The following MPHOSPH8 variants were observed in gnomAD, a reference collection of about 807,000 sequenced individuals.
MPHOSPH8 encodes the protein M-phase phosphoprotein, mpp.
MPHOSPH8 carries 45 observed loss-of-function variants against 87.3 expected under a neutral mutation model. That is an observed-to-expected ratio of 0.52 (90% CI 0.41 to 0.66). The LOEUF is 0.66. Ranked by LOEUF, MPHOSPH8 falls within the 30% of genes least tolerant of loss-of-function variation. MPHOSPH8 has a pLI of 0.00. For synonymous variants in MPHOSPH8, 366 were observed against 376.9 expected, an observed-to-expected ratio of 0.97 and a Z score of 0.33; for missense variants, 883 against 1,020.2, an observed-to-expected ratio of 0.87 and a Z score of 1.83.
chr13:19,673,286 T>C lies in MPHOSPH8; in HGVS notation c.*1411T>C. ...TCTGGGTTATGGAGAAGTTGAAAAT[T>C]GTTTTGTTCCTCATTAGTTTATAAT... On this transcript the variant is annotated 3_prime_UTR_variant, in exon 14 of 14. Transcript: ENST00000361479. 1 of 367,972 alleles carries C rather than the reference T, an allele frequency of 2.7e-6. No homozygotes were observed. 22.8% of individuals were successfully genotyped at this position (367,972 alleles called of 1,614,324 possible).
intron 2 of MPHOSPH8, among the ~76,000 whole-genome samples, chr13:19,645,903 A>G (rs1412584447): frequency 6.6e-6 from 1 of 152,112 alleles, no homozygotes; most frequent in Non-Finnish European, 1.5e-5. Context: ...TTCAATTTTA[A>G]AATAGGAAAA....
At chr13:19,671,466 A>AATGCAGC (rs1876122232) in intron 13 of MPHOSPH8, among the ~76,000 whole-genome samples, 177 bp downstream of exon 13, 1 of 152,172 alleles carries the variant, frequency 6.6e-6, no homozygotes, top group African/African-American at 2.4e-5. Flanking sequence ...TAGACATAAT[A>AATGCAGC]ATGCGGCAGG....
chr13:19,664,520 A>G (rs1478427532), intron 9 of MPHOSPH8, among the ~76,000 whole-genome samples: 1 of 152,188 alleles, frequency 6.6e-6, no homozygotes, highest in East Asian at 1.9e-4. Flanking sequence ...GAGGGTTTTC[A>G]TTTGTGTATT....
chr13:19,655,086 G>A (rs767582161), intron 5 of MPHOSPH8, among the ~76,000 whole-genome samples: 1 of 152,086 alleles, frequency 6.6e-6, no homozygotes, highest in African/African-American at 2.4e-5. Context: ...CCTACAAATT[G>A]TAAAGGAGAA....
At position 19,646,446 on chromosome 13, in the gene MPHOSPH8, C is replaced by G. The variant is rs1192283066; in HGVS notation, c.373C>G (p.Leu125Val). 6.7e-7 allele frequency: 1 copy of G among 1,481,982 alleles called. No homozygotes were observed. The highest frequency in any genetic ancestry group is 8.9e-7 in the Non-Finnish European group (1 of 1,121,516). The allele number at this position is 1,481,982 out of a possible 1,614,324, so 91.8% of individuals were successfully genotyped here. The change falls in exon 3 of 14, where the codon CTA becomes GTA. Residue 125 changes from leucine to valine, a missense_variant. Physicochemically the swap from Leu to Val is conservative, Grantham distance 32. Coordinates refer to ENST00000361479, the MANE Select transcript of MPHOSPH8 (RefSeq NM_017520.4). Reference protein sequence around the residue: ...AKAVRKDIQRLSLNNDIFEAN... With the variant: ...AKAVRKDIQRVSLNNDIFEAN... ...TAATCTGTTTTGTATTTTATAGAGA[C>G]TATCCTTAAATAACGACATATTTGA...
intron 5 of MPHOSPH8, among the ~76,000 whole-genome samples, chr13:19,653,960 T>A (rs1459717884): frequency 6.6e-6 from 1 of 152,156 alleles, no homozygotes; most frequent in East Asian, 1.9e-4. Flanking sequence ...ACGAGGAGGA[T>A]GGAACCAAGT....
intron 11 of MPHOSPH8, among the ~76,000 whole-genome samples, chr13:19,669,096 T>G (rs1463169481): frequency 6.6e-6 from 1 of 152,212 alleles, no homozygotes; most frequent in East Asian, 1.9e-4. Context: ...ATGGTTTGTA[T>G]TCATTCCTGG....
At chr13:19,661,945 CT>C (rs397761364) in intron 8 of MPHOSPH8, 107 bp downstream of exon 8, 226,738 of 999,706 alleles carry the variant, frequency 0.23, 26 homozygotes, top group South Asian at 0.26. Flanking sequence ...GGTCACATCG[CT>C]TTTTTTTTTT....
chr13:19,670,958 TAAA>T, intron 12 of MPHOSPH8: 1 of 1,040,688 alleles, frequency 9.6e-7, no homozygotes, highest in Non-Finnish European at 1.3e-6. Flanking sequence ...TACCTGGGAC[TAAA>T]AATGCACGCC....
At chr13:19,670,993 G>A (rs530678288) in intron 12 of MPHOSPH8, 1 of 1,201,814 alleles carries the variant, frequency 8.3e-7, no homozygotes, top group Non-Finnish European at 1.1e-6. Flanking sequence ...CTAATTTTTT[G>A]TATTTTTTGT....
Position 19,673,223 on chromosome 13 carries a change from G to A in MPHOSPH8, c.*1348G>A. ...GGAGCCACCACCCTCTCTGGGAAGA[G>A]TTCCTGCTTCTGTATGGCAAGCATA... On this transcript the variant is annotated 3_prime_UTR_variant, in exon 14 of 14. Coordinates refer to ENST00000361479, the MANE Select transcript of MPHOSPH8 (RefSeq NM_017520.4). The A allele has an allele frequency of 2.4e-6, 1 of 425,426 alleles. No individual in the cohort carries two copies. The highest frequency in any genetic ancestry group is 4.6e-6 in the Non-Finnish European group (1 of 218,468). 26.4% of individuals were successfully genotyped at this position (425,426 alleles called of 1,614,324 possible).
chr13:19,647,099 A>G lies in MPHOSPH8; in HGVS notation c.1026A>G (p.Arg342=), dbSNP rs1005266839. The change falls in exon 3 of 14, where the codon AGA becomes AGG. Residue 342 remains arginine, a synonymous_variant. Transcript: ENST00000361479. ...KKTPRKAEDT[R]ENRKLENKNA... Reference sequence around the variant, plus strand: ...CCCCGAGAAAGGCTGAGGACACTAGAGAGAACAGGAAGCTAGAGAACAAGA... The same window carrying G: ...CCCCGAGAAAGGCTGAGGACACTAGGGAGAACAGGAAGCTAGAGAACAAGA... The G allele has an allele frequency of 6.2e-7, 1 of 1,613,042 alleles. No individual in the cohort carries two copies. Among genetic ancestry groups the G allele is most frequent in the African/African-American group, 1.3e-5 (1 of 74,700 alleles).
intron 1 of MPHOSPH8, among the ~76,000 whole-genome samples, chr13:19,638,098 C>G (rs974446943): frequency 1.4e-5 from 2 of 140,948 alleles, no homozygotes; most frequent in Non-Finnish European, 3.1e-5. Flanking sequence ...GAGACTCCAT[C>G]TCAAAAAAAA....
At chr13:19,636,344 C>T (rs972372468) in intron 1 of MPHOSPH8, among the ~76,000 whole-genome samples, 4 of 152,122 alleles carry the variant, frequency 2.6e-5, no homozygotes, top group Non-Finnish European at 5.9e-5. Context: ...AATAATATTT[C>T]TTGATTCTAA....
intron 11 of MPHOSPH8, among the ~76,000 whole-genome samples, chr13:19,669,719 A>G (rs1876016296): frequency 6.6e-6 from 1 of 151,768 alleles, no homozygotes; most frequent in Admixed American, 6.6e-5. Context: ...CATATTGGCC[A>G]GGCTGATCTT....
intron 8 of MPHOSPH8, 124 bp downstream of exon 8, chr13:19,661,962 G>A (rs1875558542): frequency 5.7e-6 from 6 of 1,050,978 alleles, no homozygotes; most frequent in Non-Finnish European, 7.7e-6. Flanking sequence ...TTTTTTTTTA[G>A]ACGGAGTCTC....
At chr13:19,668,272 C>A in intron 10 of MPHOSPH8, 105 bp from the exon 11 acceptor site, 1 of 935,072 alleles carries the variant, frequency 1.1e-6, no homozygotes, top group Non-Finnish European at 1.6e-6. Context: ...GGCAGAGCTG[C>A]AGGTCTTTGT....
rs200128686 is a variant in MPHOSPH8, at chr13:19,635,921, GTC to G, written c.213+1963_213+1964del. Among the ~76,000 whole-genome samples the G allele has an allele frequency of 1.2e-3, 184 of 152,280 alleles. 3 individuals carry two copies. The East Asian group carries it at 0.029, about 24-fold the overall frequency. On this transcript the variant is annotated intron_variant, in intron 1 of 13. Coordinates refer to ENST00000361479, the MANE Select transcript of MPHOSPH8 (RefSeq NM_017520.4). ...ATGCTGTTCTCACGATAGTGAGTGA[GTC>G]TCAATCTGGTGGTTTTATAAGCGTC... is the stretch of plus-strand genomic sequence containing the variant.
intron 1 of MPHOSPH8, among the ~76,000 whole-genome samples, chr13:19,639,891 GCC>G (rs141943371): frequency 0.049 from 7,516 of 152,082 alleles, 636 homozygotes; most frequent in African/African-American, 0.17. Context: ...GATCTCTTGA[GCC>G]CAGGAGTTTG....
Sources: gnomAD v4.1 joint callset for allele counts (sites outside exome capture counted in the v4.1 genomes callset) on GRCh38, gnomAD v4.1.1 for gene constraint, MANE v1.5 for transcripts, NCBI Gene and HGNC (gene_info 2026-07-23, HGNC 2026-07-21) for gene names.